The following ADGB variants were observed in gnomAD, a reference collection of about 807,000 sequenced individuals.
ADGB encodes the protein calpain-7-like protein.
ADGB carries 172 observed loss-of-function variants against 210.5 expected under a neutral mutation model. The observed-to-expected ratio is 0.82, with a 90% CI of 0.72 to 0.93. The LOEUF (loss-of-function observed/expected upper bound fraction) is 0.93, where lower values mean the gene tolerates loss of function less well. Ranked by LOEUF, ADGB falls within the 40% of genes least tolerant of loss-of-function variation. The probability of loss-of-function intolerance (pLI) is 0.00; values close to 1 mark genes in which losing one functional copy is unlikely to be tolerated. For missense variants in ADGB, 2,025 were observed against 1,964.8 expected (o/e 1.03, Z -0.58); for synonymous variants, 658 against 662.7 (o/e 0.99, Z 0.11).
chr6:146,794,216 G>A (rs1184027754), intron 33 of ADGB, among the ~76,000 whole-genome samples: 2 of 152,174 alleles, frequency 1.3e-5, no homozygotes, highest in Non-Finnish European at 2.9e-5. Context: ...ATAGGTTGAA[G>A]TTCCACATAA....
intron 12 of ADGB, among the ~76,000 whole-genome samples, chr6:146,694,406 G>A (rs1776377165): frequency 6.6e-6 from 1 of 152,206 alleles, no homozygotes; most frequent in Middle Eastern, 3.4e-3. Context: ...GCTCTCTGGG[G>A]TACCTTTTAC....
At chr6:146,626,867 T>G (rs34714849) in intron 1 of ADGB, among the ~76,000 whole-genome samples, 42,340 of 151,850 alleles carry the variant, frequency 0.28, 7,239 homozygotes, top group Admixed American at 0.39. Context: ...CTTTAATCCC[T>G]TCTTGGTGAC....
Position 146,677,702 on chromosome 6 carries a change from A to G in ADGB, c.1216+1261A>G, listed in dbSNP as rs1776104135. The stretch of plus-strand genomic sequence containing the variant: ...CCTTCTCCTGCTGAACTTACAGTTA[A>G]GGTCATTCCAACACATAGAATGTGG... On this transcript the variant is annotated intron_variant, in intron 9 of 35. Coordinates refer to ENST00000397944, the MANE Select transcript of ADGB (RefSeq NM_024694.4). 2.6e-5 allele frequency among the ~76,000 whole-genome samples: 4 copies of G among 152,188 alleles called. No individual in the cohort carries two copies. In the South Asian group the frequency reaches 6.2e-4, roughly 24 times the overall value.
At chr6:146,785,257 A>T (rs1411426798) in intron 31 of ADGB, among the ~76,000 whole-genome samples, 1 of 152,094 alleles carries the variant, frequency 6.6e-6, no homozygotes, top group Admixed American at 6.6e-5. Context: ...TTCCTGTAAG[A>T]GCGATTGCCA....
chr6:146,739,088 A>G (rs1054788740), intron 23 of ADGB, among the ~76,000 whole-genome samples: 5 of 152,180 alleles, frequency 3.3e-5, no homozygotes, highest in Non-Finnish European at 7.3e-5. Flanking sequence ...AACGGGTAGA[A>G]TGTTTAAGGG....
intron 10 of ADGB, among the ~76,000 whole-genome samples, chr6:146,690,143 C>T (rs988565838): frequency 2.6e-5 from 4 of 152,080 alleles, no homozygotes; most frequent in Admixed American, 1.3e-4. Flanking sequence ...TCTCCTACCT[C>T]GGGGCAGATT....
At chr6:146,650,597 CAAAAAAAAAAAAAAAAAAAA>C (rs57913607) in intron 3 of ADGB, among the ~76,000 whole-genome samples, 61 of 36,560 alleles carry the variant, frequency 1.7e-3, no homozygotes, top group South Asian at 3.0e-3. Context: ...TCCCTCCCAC[CAAAAAAAAAAAAAAAAAAAA>C]AAAAAAAAAA....
At chr6:146,656,407 A>G (rs1775781433) in intron 4 of ADGB, among the ~76,000 whole-genome samples, 1 of 152,244 alleles carries the variant, frequency 6.6e-6, no homozygotes, top group African/African-American at 2.4e-5. Context: ...ACAAAAGAGT[A>G]GCTTGCTCAT....
chr6:146,716,767 C>G, intron 14 of ADGB, 116 bp from the exon 15 acceptor site: 1 of 945,592 alleles, frequency 1.1e-6, no homozygotes, highest in Non-Finnish European at 1.5e-6. Flanking sequence ...TGGATTATCT[C>G]ATAAATATTT....
intron 8 of ADGB, among the ~76,000 whole-genome samples, 182 bp downstream of exon 8, chr6:146,672,649 T>C (rs1371431955): frequency 2.0e-5 from 3 of 151,974 alleles, no homozygotes; most frequent in East Asian, 3.9e-4. Context: ...AGATAGTTTA[T>C]TGAAAGCTCC....
intron 1 of ADGB, among the ~76,000 whole-genome samples, chr6:146,631,427 G>A (rs769205285): frequency 6.6e-6 from 1 of 152,142 alleles, no homozygotes; most frequent in Non-Finnish European, 1.5e-5. Context: ...TTATGAACCC[G>A]AAGCTGGAAT....
intron 20 of ADGB, among the ~76,000 whole-genome samples, chr6:146,730,265 C>A (rs1178337900): frequency 6.6e-6 from 1 of 152,106 alleles, no homozygotes; most frequent in Admixed American, 6.6e-5. Flanking sequence ...GACCTGTTCA[C>A]AAGGCAGAAG....
At chr6:146,691,451 TATATATAAAAATATATATATATATAA>T (rs1776318413) in intron 11 of ADGB, among the ~76,000 whole-genome samples, 161 bp downstream of exon 11, 2 of 19,956 alleles carry the variant, frequency 1.0e-4, no homozygotes, top group East Asian at 1.5e-3. Flanking sequence ...TAAAAATATA[TATATATAAAAATATATATATATATAA>T]ATATATATAT....
intron 1 of ADGB, among the ~76,000 whole-genome samples, chr6:146,602,740 G>A (rs1780578167): frequency 2.0e-5 from 3 of 152,164 alleles, no homozygotes; most frequent in South Asian, 2.1e-4. Context: ...GAGGTGAGAG[G>A]CAGGGGAGTC....
At chr6:146,793,197 G>A (rs745640428) in intron 33 of ADGB, among the ~76,000 whole-genome samples, 8 of 152,046 alleles carry the variant, frequency 5.3e-5, no homozygotes, top group Non-Finnish European at 8.8e-5. Flanking sequence ...TTTACAGAGC[G>A]CTGATTGGTG....
intron 13 of ADGB, among the ~76,000 whole-genome samples, chr6:146,706,338 C>T (rs984518020): frequency 2.6e-5 from 4 of 151,612 alleles, no homozygotes; most frequent in Non-Finnish European, 4.4e-5. Flanking sequence ...CGGGTCACTG[C>T]AACCTCTGCC....
intron 24 of ADGB, 32 bp downstream of exon 24, chr6:146,740,625 C>T (rs938394797): frequency 1.3e-6 from 2 of 1,539,822 alleles, no homozygotes; most frequent in African/African-American, 2.8e-5. Flanking sequence ...AAATATGTCT[C>T]TAAATGGCTT....
chr6:146,756,936 A>G (rs1416129908), intron 27 of ADGB, among the ~76,000 whole-genome samples: 1 of 151,930 alleles, frequency 6.6e-6, no homozygotes, highest in Non-Finnish European at 1.5e-5. Context: ...TATGTTGGCC[A>G]TGCTGGTCTC....
intron 35 of ADGB, among the ~76,000 whole-genome samples, chr6:146,814,410 G>C (rs1778350772): frequency 6.6e-6 from 1 of 152,204 alleles, no homozygotes; most frequent in South Asian, 2.1e-4. Context: ...CAGCTGGTGA[G>C]ACAGAAGACA....
Sources: gnomAD v4.1 joint callset for allele counts (sites outside exome capture counted in the v4.1 genomes callset) on GRCh38, gnomAD v4.1.1 for gene constraint, MANE v1.5 for transcripts, NCBI Gene and HGNC (gene_info 2026-07-23, HGNC 2026-07-21) for gene names.